FAM185A: variants seen among roughly 807,000 people sequenced by gnomAD.
FAM185A encodes the protein protein FAM185A.
Under a neutral mutation model 45.7 loss-of-function variants are expected in FAM185A, and 21 were observed. That is an observed-to-expected ratio of 0.46 (90% confidence interval 0.33 to 0.66). FAM185A has a LOEUF of 0.66. Among genes scored for constraint, FAM185A ranks in the 30% least tolerant of loss-of-function variants. FAM185A has a pLI of 0.03. For synonymous variants in FAM185A, 117 were observed against 194.0 expected (o/e 0.60, Z 3.30); for missense variants, 305 against 485.4 (o/e 0.63, Z 3.49).
At chr7:102,825,256 C>G in the FAM185A span, among the ~76,000 whole-genome samples, 6 of 152,092 alleles carry the variant, frequency 3.9e-5, no homozygotes, top group Non-Finnish European at 7.4e-5. Flanking sequence ...AGAGGTGGGG[C>G]CCTTAAGAGG....
Position 102,805,677 on chromosome 7 carries a change from T to C in FAM185A, c.1067-2613T>C, listed in dbSNP as rs79835723. Among the ~76,000 whole-genome samples, 2,134 of 151,408 alleles carry C rather than the reference T, an allele frequency of 0.014. 118 individuals carry two copies. In the East Asian group the frequency reaches 0.16, roughly 11 times the overall value. On this transcript the variant is annotated intron_variant, in intron 7 of 7. Coordinates refer to ENST00000413034, the MANE Select transcript of FAM185A (RefSeq NM_001145268.2). Reference sequence around the variant, plus strand: ...ACACCACCTTTACCTCCATAAACTATGGAAAAAAATTAAAAATAAATAAAT... The same window carrying C: ...ACACCACCTTTACCTCCATAAACTACGGAAAAAAATTAAAAATAAATAAAT...
intron 7 of FAM185A, among the ~76,000 whole-genome samples, chr7:102,797,492 A>C (rs1481424737): frequency 6.6e-6 from 1 of 152,244 alleles, no homozygotes; most frequent in Admixed American, 6.5e-5. Flanking sequence ...CAAACAAAAA[A>C]GAACGTTGAC....
At chr7:102,847,799 G>T in the FAM185A span, among the ~76,000 whole-genome samples, 1 of 152,144 alleles carries the variant, frequency 6.6e-6, no homozygotes, top group African/African-American at 2.4e-5. Context: ...AAAGTGCTAA[G>T]ATTATAGGTG....
intron 7 of FAM185A, among the ~76,000 whole-genome samples, chr7:102,794,035 CAAAAAAAA>C (rs765672577): frequency 9.9e-5 from 6 of 60,608 alleles, no homozygotes; most frequent in Middle Eastern, 7.2e-3. Flanking sequence ...GACTCTGTCT[CAAAAAAAA>C]AAAAAAAAAA....
At chr7:102,793,568 C>CA (rs2129442932) in intron 7 of FAM185A, among the ~76,000 whole-genome samples, 1 of 151,968 alleles carries the variant, frequency 6.6e-6, no homozygotes, top group African/African-American at 2.4e-5. Context: ...TTGAGAGTAT[C>CA]ATGGGTAATC....
At chr7:102,849,197 CA>C in the FAM185A span, among the ~76,000 whole-genome samples, 1 of 152,210 alleles carries the variant, frequency 6.6e-6, no homozygotes, top group African/African-American at 2.4e-5. Context: ...TGCTCAGTTA[CA>C]GCTGCATCAA....
At position 102,749,611 on chromosome 7, in the gene FAM185A, C is replaced by T; in HGVS notation, c.404C>T (p.Thr135Ile). ...DLEEMAIVSD[T>I]IHPQASVEVN... The stretch of plus-strand genomic sequence containing the variant: ...GAGGAGATGGCCATTGTGTCTGATA[C>T]TATCCACCCCCAGGCGTCCGTGGAG... The change falls in exon 1 of 8, where the codon ACT becomes ATT. Residue 135 changes from threonine to isoleucine, a missense_variant. Transcript: ENST00000413034. The T allele has an allele frequency of 4.0e-6, 6 of 1,514,526 alleles. No individual in the cohort carries two copies. The highest frequency in any genetic ancestry group is 3.5e-6 in the Non-Finnish European group (4 of 1,129,588). 93.8% of individuals were successfully genotyped at this position (1,514,526 alleles called of 1,614,324 possible).
chr7:102,832,530 A>T, the FAM185A span, among the ~76,000 whole-genome samples: 1 of 152,244 alleles, frequency 6.6e-6, no homozygotes, highest in African/African-American at 2.4e-5. Context: ...TCCTACAAAT[A>T]CTAAGTTCAT....
At chr7:102,826,014 T>C in the FAM185A span, among the ~76,000 whole-genome samples, 1 of 152,254 alleles carries the variant, frequency 6.6e-6, no homozygotes, top group Non-Finnish European at 1.5e-5. Flanking sequence ...GCTATAATTA[T>C]GATTATTCAT....
Position 102,749,418 on chromosome 7 carries a change from G to A in FAM185A, c.211G>A (p.Val71Met), listed in dbSNP as rs1793197309. The A allele has an allele frequency of 2.6e-6, 4 of 1,548,424 alleles. No individual in the cohort carries two copies. The highest frequency in any genetic ancestry group is 3.5e-6 in the Non-Finnish European group (4 of 1,146,436). The change falls in exon 1 of 8, where the codon GTG becomes ATG. Residue 71 changes from valine (V) to methionine (M), a missense_variant. This residue lies in a region of FAM185A where 174 missense variants were observed against 247.1 expected (regional missense o/e 0.70). Transcript: ENST00000413034. ...RRTLKEWTLQ[V>M]SPFGRLRARL... ...AACTCTGAAGGAGTGGACACTGCAGGTGAGCCCGTTTGGTCGGCTGCGGGC... is the reference window on the plus strand; with the variant it reads ...AACTCTGAAGGAGTGGACACTGCAGATGAGCCCGTTTGGTCGGCTGCGGGC...
rs181953659 is a variant in FAM185A at position 102,804,536 on chromosome 7, G to T, written c.1067-3754G>T. Among the ~76,000 whole-genome samples, 13 of 152,296 alleles carry T rather than the reference G, an allele frequency of 8.5e-5. No homozygotes were observed. In the East Asian group the frequency reaches 2.3e-3, roughly 27 times the overall value. ...TCACCTTATACAAAAATCAACTCAA[G>T]ATGGATTAAAGACTTAAATCTAAGA... On this transcript the variant is annotated intron_variant, in intron 7 of 7. Coordinates refer to ENST00000413034, the MANE Select transcript of FAM185A (RefSeq NM_001145268.2).
intron 2 of FAM185A, among the ~76,000 whole-genome samples, chr7:102,754,702 C>T (rs1232870262): frequency 6.6e-6 from 1 of 152,200 alleles, no homozygotes; most frequent in Non-Finnish European, 1.5e-5. Flanking sequence ...TTTCCAAGCT[C>T]ATGCTTTTTC....
chr7:102,842,818 C>T, the FAM185A span, among the ~76,000 whole-genome samples: 1,698 of 152,290 alleles, frequency 0.011, 74 homozygotes, highest in East Asian at 0.074. Flanking sequence ...GTCCAGAGTA[C>T]AAGACTCAGA....
intron 6 of FAM185A, among the ~76,000 whole-genome samples, chr7:102,779,986 C>T (rs1019410822): frequency 6.7e-6 from 1 of 149,776 alleles, no homozygotes; most frequent in Non-Finnish European, 1.5e-5. Flanking sequence ...ACTGAGATTA[C>T]AGCCACAAGC....
At chr7:102,801,237 TAAAAC>T (rs1392299805) in intron 7 of FAM185A, among the ~76,000 whole-genome samples, 3 of 151,862 alleles carry the variant, frequency 2.0e-5, no homozygotes, top group African/African-American at 4.8e-5. Flanking sequence ...CTCTAAATCT[TAAAAC>T]AAATCCTGGA....
chr7:102,833,295 G>A, the FAM185A span, among the ~76,000 whole-genome samples: 1 of 152,110 alleles, frequency 6.6e-6, no homozygotes, highest in Non-Finnish European at 1.5e-5. Context: ...AAGATTATAT[G>A]GCAGACACTC....
the FAM185A span, among the ~76,000 whole-genome samples, chr7:102,840,699 G>A: frequency 6.6e-6 from 1 of 152,256 alleles, no homozygotes; most frequent in East Asian, 1.9e-4. Context: ...AATAAGAGGT[G>A]ATCTAATCAA....
At position 102,805,393 on chromosome 7, in the gene FAM185A, G is replaced by C. The variant is rs1383160460; in HGVS notation, c.1067-2897G>C. ...ACAGCATTCACAGTGACCTGAATGA[G>C]ACTGGAGATGATTATTCTAAGTGAA... On this transcript the variant is annotated intron_variant, in intron 7 of 7. Transcript: ENST00000413034. Among the ~76,000 whole-genome samples, 5 of 152,286 alleles carry C rather than the reference G, an allele frequency of 3.3e-5. No individual in the cohort carries two copies. The East Asian group carries it at 9.6e-4, about 29-fold the overall frequency.
At chr7:102,824,637 C>G in the FAM185A span, among the ~76,000 whole-genome samples, 2 of 152,166 alleles carry the variant, frequency 1.3e-5, no homozygotes, top group African/African-American at 4.8e-5. Flanking sequence ...AGGTGCCCGC[C>G]ACCACGCCCA....
Sources: gnomAD v4.1 joint callset for allele counts (sites outside exome capture counted in the v4.1 genomes callset) on GRCh38, gnomAD v4.1.1 for gene constraint, gnomAD v4.1.1 regional missense constraint, MANE v1.5 for transcripts, NCBI Gene and HGNC (gene_info 2026-07-23, HGNC 2026-07-21) for gene names.